Variants in PDGFA observed in about 807,000 individuals in gnomAD.
PDGFA encodes platelet-derived growth factor subunit A.
In PDGFA, 9 loss-of-function variants were observed where a neutral mutation model predicts 25.6. The observed-to-expected ratio is 0.35, with a 90% CI of 0.21 to 0.61. PDGFA has a LOEUF of 0.61. PDGFA is among the 20% of genes least tolerant of loss of function. PDGFA has a pLI of 0.75. For missense variants in PDGFA, 242 were observed against 272.8 expected (o/e 0.89, Z 0.79); for synonymous variants, 133 against 111.8 (o/e 1.19, Z -1.20).
intron 4 of PDGFA, among the ~76,000 whole-genome samples, chr7:502,693 G>C (rs964300601): frequency 2.0e-5 from 3 of 152,012 alleles, no homozygotes; most frequent in Non-Finnish European, 2.9e-5. Context: ...CCTTCCCCGG[G>C]GAGCTGCAGG....
Position 500,291 on chromosome 7 carries a change from G to T in PDGFA, c.580+825C>A. 1 of 915,136 alleles carries T rather than the reference G, an allele frequency of 1.1e-6. No homozygotes were observed. The highest frequency in any genetic ancestry group is 1.6e-5 in the African/African-American group (1 of 60,842). 56.7% of individuals were successfully genotyped at this position (915,136 alleles called of 1,614,324 possible). A position where few individuals can be genotyped will look rare whatever the true frequency, so the allele number is the denominator to read the frequency against. On this transcript the variant is annotated intron_variant, in intron 5 of 5. Coordinates refer to ENST00000402802, the Ensembl canonical transcript of PDGFA. The surrounding 1 kb of genome is among the most constrained non-coding windows in gnomAD (Gnocchi z 5.0). ...GCGGACGGGGAGCAAGGAGACCCAA[G>T]CCCAGCAGACACCATCAAGGCCAAT...
chr7:519,119 G>A (rs1168477444), exon 1 of PDGFA: 3 of 671,052 alleles, frequency 4.5e-6, no homozygotes, highest in Non-Finnish European at 7.1e-6. Flanking sequence ...GCCCGGAGGA[G>A]GGTGGCGCGG....
intron 4 of PDGFA, among the ~76,000 whole-genome samples, chr7:503,157 A>C (rs947761900): frequency 3.9e-5 from 6 of 152,126 alleles, no homozygotes; most frequent in Non-Finnish European, 8.8e-5. Context: ...GGCAAGCTCT[A>C]ACTAAGCCTG....
chr7:502,934 G>T (rs192108599), intron 4 of PDGFA, among the ~76,000 whole-genome samples: 1 of 152,044 alleles, frequency 6.6e-6, no homozygotes, highest in African/African-American at 2.4e-5. Flanking sequence ...CATGTGTAAT[G>T]TACACAGGGG....
intron 3 of PDGFA, among the ~76,000 whole-genome samples, 163 bp downstream of exon 3, chr7:512,188 G>T (rs1782882449): frequency 6.6e-6 from 1 of 152,188 alleles, no homozygotes; most frequent in African/African-American, 2.4e-5. Context: ...GAGGCACCAG[G>T]GCCAGGCCTA....
intron 3 of PDGFA, among the ~76,000 whole-genome samples, chr7:511,548 G>A (rs1273345030): frequency 6.6e-6 from 1 of 152,152 alleles, no homozygotes. Context: ...GGGCCTGCTT[G>A]CATCAGCTGG....
rs1583136697 is a variant in PDGFA, at chr7:500,182, A to G, written c.580+934T>C. Among the ~76,000 whole-genome samples, 2 of 152,318 alleles carry G rather than the reference A, an allele frequency of 1.3e-5. No homozygotes were observed. The highest frequency in any genetic ancestry group is 1.3e-4 in the Admixed American group (2 of 15,304). Reference sequence around the variant, plus strand: ...CATGTGCAATGCTCCTGCATCCCCAATCAACGACAAAGAGAAGGACAAAGC... The same window carrying G: ...CATGTGCAATGCTCCTGCATCCCCAGTCAACGACAAAGAGAAGGACAAAGC... On this transcript the variant is annotated intron_variant, in intron 5 of 5. Coordinates refer to ENST00000402802, the Ensembl canonical transcript of PDGFA. This position sits in a 1 kb window ranked among gnomAD's most constrained non-coding sequence, Gnocchi z 5.0.
chr7:519,924 C>CG (rs1783299851), upstream of PDGFA: 1 of 130,132 alleles, frequency 7.7e-6, no homozygotes, highest in Non-Finnish European at 1.6e-5. Flanking sequence ...GCCCCCCCCC[C>CG]CCGCCTCCCC....
At chr7:506,695 G>T (rs974395152) in intron 4 of PDGFA, among the ~76,000 whole-genome samples, 1 of 152,114 alleles carries the variant, frequency 6.6e-6, no homozygotes, top group Admixed American at 6.5e-5. Flanking sequence ...GTCTGGGGGA[G>T]AGTCGGGCGT....
chr7:510,815 G>A (rs199854063), exon 4 of PDGFA: 31 of 1,566,046 alleles, frequency 2.0e-5, no homozygotes, highest in African/African-American at 7.1e-5. Context: ...TCACCTTGAC[G>A]CTGCGGTGGT....
At chr7:512,079 G>A (rs1308386969) in intron 3 of PDGFA, among the ~76,000 whole-genome samples, 1 of 152,220 alleles carries the variant, frequency 6.6e-6, no homozygotes, top group Non-Finnish European at 1.5e-5. Flanking sequence ...CTTCTCTCCT[G>A]GAAGCTCTCT....
At chr7:519,589 C>T (rs1443115228), upstream of PDGFA, among the ~76,000 whole-genome samples, 1 of 145,812 alleles carries the variant, frequency 6.9e-6, no homozygotes. Flanking sequence ...CGCGGCCCAG[C>T]ACCCCCTCCG....
At chr7:510,897 G>A (rs746164866) in exon 4 of PDGFA, 12 of 1,612,152 alleles carry the variant, frequency 7.4e-6, no homozygotes, top group African/African-American at 2.7e-5. Context: ...CTCCACGCAC[G>A]GGGGCCAGAT....
chr7:510,064 C>G (rs560530918), intron 4 of PDGFA, among the ~76,000 whole-genome samples: 41 of 152,276 alleles, frequency 2.7e-4, no homozygotes, highest in African/African-American at 9.1e-4. Flanking sequence ...TGCCATGCAC[C>G]TCGGCCCCCA....
At chr7:501,914 CGTT>C (rs1782358145) in intron 4 of PDGFA, among the ~76,000 whole-genome samples, 1 of 152,102 alleles carries the variant, frequency 6.6e-6, no homozygotes, top group African/African-American at 2.4e-5. Context: ...CAAATGATCA[CGTT>C]GTTTTTAAAT....
chr7:511,187 AGAG>A (rs1254804904), intron 3 of PDGFA, among the ~76,000 whole-genome samples, 191 bp from the exon 4 acceptor site: 1 of 149,284 alleles, frequency 6.7e-6, no homozygotes, highest in African/African-American at 2.5e-5. Context: ...CCACACATCC[AGAG>A]GAGCCCAGCC....
intron 4 of PDGFA, among the ~76,000 whole-genome samples, chr7:505,797 C>G (rs1562486775): frequency 6.6e-6 from 1 of 152,202 alleles, no homozygotes; most frequent in Non-Finnish European, 1.5e-5. Flanking sequence ...GTCCAGAGCC[C>G]TGGCCCCACC....
At position 500,782 on chromosome 7, in the gene PDGFA, G is replaced by A; in HGVS notation, c.580+334C>T. On this transcript the variant is annotated intron_variant, in intron 5 of 5. Coordinates refer to ENST00000402802, the Ensembl canonical transcript of PDGFA. The surrounding 1 kb of genome is among the most constrained non-coding windows in gnomAD (Gnocchi z 5.0). ...GAACCTGCTCCTCCCGCCCACCCTG[G>A]CAGGAGGCCCTTCTGCAGATTCTTC... 5 of 1,442,488 alleles carry A rather than the reference G, an allele frequency of 3.5e-6. No homozygotes were observed. In the South Asian group the frequency reaches 5.7e-5, roughly 16 times the overall value. 89.4% of individuals were successfully genotyped at this position (1,442,488 alleles called of 1,614,324 possible).
At chr7:504,668 G>A (rs988009769) in intron 4 of PDGFA, among the ~76,000 whole-genome samples, 8 of 152,218 alleles carry the variant, frequency 5.3e-5, no homozygotes, top group African/African-American at 1.9e-4. Flanking sequence ...CTGAAATCTG[G>A]GTTCGTGGGG....
Sources: gnomAD v4.1 joint callset for allele counts (sites outside exome capture counted in the v4.1 genomes callset) on GRCh38, gnomAD v4.1.1 for gene constraint, Gnocchi (gnomAD v3.1) non-coding constraint, MANE v1.5 for transcripts, NCBI Gene and HGNC (gene_info 2026-07-23, HGNC 2026-07-21) for gene names.